The following IL1RAPL2 variants were observed in gnomAD, a reference collection of about 807,000 sequenced individuals.
IL1RAPL2 encodes the protein interleukin 1 receptor accessory protein like 2.
In IL1RAPL2, 3 loss-of-function variants were observed where a neutral mutation model predicts 44.1. The ratio of observed to expected loss-of-function variants is 0.07; its 90% CI spans 0.03 to 0.18. The LOEUF is 0.18. Ranked by LOEUF, IL1RAPL2 falls within the 10% of genes least tolerant of loss-of-function variation. The pLI is 1.00. For missense variants in IL1RAPL2, 391 were observed against 496.4 expected (o/e 0.79, Z 2.02); for synonymous variants, 181 against 178.8 (o/e 1.01, Z -0.10).
At chrX:105,462,849 C>T (rs1264116352) in intron 5 of IL1RAPL2, among the ~76,000 whole-genome samples, 1 of 110,606 alleles carries the variant, frequency 9.0e-6, no homozygotes, top group Non-Finnish European at 1.9e-5. Flanking sequence ...TGGTCTTTTG[C>T]CCAACTCACT....
chrX:105,381,729 T>C (rs1449665186), intron 5 of IL1RAPL2, among the ~76,000 whole-genome samples: 4 of 112,055 alleles, frequency 3.6e-5, no homozygotes, highest in Admixed American at 2.9e-4. Context: ...CAAATACTTA[T>C]CATTTCTTTG....
intron 2 of IL1RAPL2, among the ~76,000 whole-genome samples, chrX:105,111,713 G>A (rs1003655572): frequency 2.7e-5 from 3 of 111,533 alleles, no homozygotes; most frequent in East Asian, 2.8e-4. Context: ...GTACCCTGGC[G>A]ATGACAGTCT....
chrX:104,567,547 C>T (rs1195010163), intron 1 of IL1RAPL2, among the ~76,000 whole-genome samples: 1 of 112,269 alleles, frequency 8.9e-6, no homozygotes, highest in Admixed American at 9.4e-5. Context: ...CAGGGGAGAT[C>T]GCTGGATATC....
chrX:104,723,283 GATTA>G (rs1931720941), intron 2 of IL1RAPL2, among the ~76,000 whole-genome samples: 1 of 111,581 alleles, frequency 9.0e-6, no homozygotes, highest in Admixed American at 9.6e-5. Flanking sequence ...TTTTTAAAAT[GATTA>G]ATTTCCAAAA....
intron 6 of IL1RAPL2, among the ~76,000 whole-genome samples, chrX:105,528,892 G>A (rs113217613): frequency 0.05 from 5,577 of 111,325 alleles, 160 homozygotes; most frequent in Non-Finnish European, 0.082. Flanking sequence ...CAAAGATCAT[G>A]CATTCCATTT....
At chrX:104,632,194 G>T in intron 1 of IL1RAPL2, among the ~76,000 whole-genome samples, 1 of 111,117 alleles carries the variant, frequency 9.0e-6, no homozygotes, top group Non-Finnish European at 1.9e-5. Flanking sequence ...CTGTTCCATT[G>T]GTCTATATCT....
chrX:105,695,075 A>G (rs1057175327), intron 6 of IL1RAPL2, among the ~76,000 whole-genome samples: 13 of 111,815 alleles, frequency 1.2e-4, no homozygotes, highest in Non-Finnish European at 2.4e-4. Context: ...TTCCTTAGCA[A>G]CAGTGTACAT....
chrX:104,700,316 G>A (rs2147551747), intron 2 of IL1RAPL2, among the ~76,000 whole-genome samples: 1 of 111,672 alleles, frequency 9.0e-6, no homozygotes, highest in African/African-American at 3.2e-5. Flanking sequence ...TCAGAGACCT[G>A]AATATCGGGA....
chrX:105,536,246 A>C (rs1432674538), intron 6 of IL1RAPL2, among the ~76,000 whole-genome samples: 2 of 110,670 alleles, frequency 1.8e-5, no homozygotes, highest in Non-Finnish European at 1.9e-5. Flanking sequence ...GGCATTCTGT[A>C]CTTATAATCT....
At chrX:105,628,793 A>C (rs2037472212) in intron 6 of IL1RAPL2, among the ~76,000 whole-genome samples, 1 of 111,332 alleles carries the variant, frequency 9.0e-6, no homozygotes, top group Admixed American at 9.5e-5. Flanking sequence ...AAATAGAAAA[A>C]TTAGTTGGGC....
intron 2 of IL1RAPL2, among the ~76,000 whole-genome samples, chrX:104,904,038 A>AGGAAGATTTTTGGGTC (rs1393266031): frequency 2.7e-5 from 3 of 111,052 alleles, no homozygotes; most frequent in Non-Finnish European, 3.8e-5. Flanking sequence ...GTCCAAGGAG[A>AGGAAGATTTTTGGGTC]GGAAGATTTT....
At chrX:105,275,182 G>A (rs1351360926) in intron 5 of IL1RAPL2, among the ~76,000 whole-genome samples, 1 of 109,903 alleles carries the variant, frequency 9.1e-6, no homozygotes, top group Non-Finnish European at 1.9e-5. Context: ...CTGCACTCTA[G>A]CCTGGGTTAC....
intron 1 of IL1RAPL2, among the ~76,000 whole-genome samples, chrX:104,634,450 A>G (rs995791184): frequency 1.8e-5 from 2 of 111,312 alleles, no homozygotes; most frequent in African/African-American, 6.6e-5. Flanking sequence ...GGGGTATTAA[A>G]GTCTCCCATT....
chrX:105,630,641 T>C (rs955101490), intron 6 of IL1RAPL2, among the ~76,000 whole-genome samples: 25 of 110,031 alleles, frequency 2.3e-4, no homozygotes, highest in Admixed American at 9.7e-5. Flanking sequence ...AAGTGGAGAA[T>C]GGATTATTCA....
At position 104,609,547 on chromosome X, in the gene IL1RAPL2, G is replaced by A. The variant is rs188493760; in HGVS notation, c.-20+42496G>A. Among the ~76,000 whole-genome samples, 76 of 111,960 alleles carry A rather than the reference G, an allele frequency of 6.8e-4. No individual in the cohort carries two copies. The East Asian group carries it at 0.013, about 20-fold the overall frequency. On this transcript the variant is annotated intron_variant, in intron 1 of 10. Transcript: ENST00000372582. ...ATATTTTTTGGATGCTTTGCTCATT[G>A]CTTTTCATTCTTTTTTCTCCAACCT... is the stretch of plus-strand genomic sequence containing the variant.
chrX:105,055,531 G>T (rs1304806572), intron 2 of IL1RAPL2, among the ~76,000 whole-genome samples: 1 of 111,719 alleles, frequency 9.0e-6, no homozygotes, highest in African/African-American at 3.3e-5. Flanking sequence ...TGAATGTTTT[G>T]ATTGGCAAAA....
intron 6 of IL1RAPL2, among the ~76,000 whole-genome samples, chrX:105,512,744 T>A (rs1225835417): frequency 1.8e-5 from 2 of 111,397 alleles, no homozygotes. Flanking sequence ...TTCTGTATAA[T>A]AACATATAGT....
At chrX:105,424,829 C>A (rs776805886) in intron 5 of IL1RAPL2, among the ~76,000 whole-genome samples, 15 of 110,168 alleles carry the variant, frequency 1.4e-4, no homozygotes, top group African/African-American at 4.6e-4. Context: ...TACTGATAAT[C>A]CTTTTCTTTC....
At chrX:105,671,670 AC>A (rs1029554907) in intron 6 of IL1RAPL2, among the ~76,000 whole-genome samples, 27 of 111,672 alleles carry the variant, frequency 2.4e-4, no homozygotes, top group African/African-American at 7.2e-4. Context: ...TTAGAGGTAC[AC>A]CCAACTTTTT....
Sources: allele counts gnomAD v4.1 joint callset (sites outside exome capture counted in the v4.1 genomes callset), GRCh38; gene constraint gnomAD v4.1.1; transcripts MANE v1.5; gene names NCBI Gene and HGNC (gene_info 2026-07-23, HGNC 2026-07-21).